EPHA5: variants seen among roughly 807,000 people sequenced by gnomAD.
EPHA5 encodes EPH receptor A5.
In EPHA5, 60 loss-of-function variants were observed where a neutral mutation model predicts 105.0. That is an observed-to-expected ratio of 0.57 (90% confidence interval 0.46 to 0.71). The LOEUF (loss-of-function observed/expected upper bound fraction) is 0.71. Among genes scored for constraint, EPHA5 ranks in the 30% least tolerant of loss-of-function variants. EPHA5 has a pLI of 0.00. For synonymous variants in EPHA5, 513 were observed against 449.1 expected (o/e 1.14, Z -1.80); for missense variants, 1,218 against 1,274.7 (o/e 0.96, Z 0.68).
chr4:65,376,588 A>AAGTT (rs1266021465), intron 8 of EPHA5, among the ~76,000 whole-genome samples: 2 of 152,002 alleles, frequency 1.3e-5, no homozygotes, highest in African/African-American at 4.8e-5. Flanking sequence ...TAGAAGATCC[A>AAGTT]AGTTATATTG....
chr4:65,377,066 GA>G, intron 8 of EPHA5: 1 of 1,607,846 alleles, frequency 6.2e-7, no homozygotes, highest in Non-Finnish European at 8.5e-7. Flanking sequence ...CGCAGCAACT[GA>G]AAAGCAAACA....
intron 3 of EPHA5, among the ~76,000 whole-genome samples, chr4:65,543,058 G>A (rs893944057): frequency 6.6e-6 from 1 of 151,946 alleles, no homozygotes; most frequent in African/African-American, 2.4e-5. Context: ...ACTACGTATT[G>A]ATGGAACATA....
intron 11 of EPHA5, among the ~76,000 whole-genome samples, chr4:65,358,244 A>G (rs563483898): frequency 5.9e-5 from 9 of 151,548 alleles, no homozygotes; most frequent in African/African-American, 2.2e-4. Context: ...CCTTTCCCAA[A>G]CCATTAGCTC....
intron 2 of EPHA5, among the ~76,000 whole-genome samples, chr4:65,640,932 G>A (rs896959931): frequency 5.9e-5 from 9 of 152,182 alleles, no homozygotes; most frequent in African/African-American, 2.2e-4. Context: ...AAGTTTTCTG[G>A]TTGGCAAGCC....
chr4:65,626,016 A>G (rs762751412), intron 2 of EPHA5, among the ~76,000 whole-genome samples: 2 of 151,316 alleles, frequency 1.3e-5, no homozygotes, highest in Non-Finnish European at 2.9e-5. Flanking sequence ...CAGGAGAATG[A>G]CATGAACCCG....
intron 8 of EPHA5, among the ~76,000 whole-genome samples, chr4:65,373,772 T>C (rs1160124282): frequency 6.6e-6 from 1 of 151,928 alleles, no homozygotes; most frequent in African/African-American, 2.4e-5. Context: ...GAATTTAACA[T>C]CTCTATTTTC....
At chr4:65,477,095 A>T (rs1297449128) in intron 5 of EPHA5, among the ~76,000 whole-genome samples, 1 of 152,206 alleles carries the variant, frequency 6.6e-6, no homozygotes, top group East Asian at 1.9e-4. Flanking sequence ...CTAAGAAAAG[A>T]TTCCAGAAAA....
chr4:65,638,666 G>C (rs1747373436), intron 2 of EPHA5, among the ~76,000 whole-genome samples: 1 of 152,172 alleles, frequency 6.6e-6, no homozygotes. Flanking sequence ...TTTAACCCAG[G>C]AGGCGGAGGT....
intron 5 of EPHA5, among the ~76,000 whole-genome samples, chr4:65,440,169 T>C (rs1228442022): frequency 6.6e-6 from 1 of 151,980 alleles, no homozygotes; most frequent in Non-Finnish European, 1.5e-5. Flanking sequence ...ATTTCTAACT[T>C]CAGAAATATT....
At chr4:65,394,784 T>A (rs1372507302) in intron 8 of EPHA5, among the ~76,000 whole-genome samples, 2 of 152,172 alleles carry the variant, frequency 1.3e-5, no homozygotes, top group African/African-American at 4.8e-5. Context: ...AGATATTACT[T>A]GTAAAACCTT....
chr4:65,376,547 A>G (rs533330018), intron 8 of EPHA5, among the ~76,000 whole-genome samples: 2 of 152,134 alleles, frequency 1.3e-5, no homozygotes, highest in East Asian at 3.9e-4. Context: ...TTTGTTTTCC[A>G]GTGCCACGTG....
intron 3 of EPHA5, among the ~76,000 whole-genome samples, chr4:65,523,528 C>T (rs1011877465): frequency 6.6e-6 from 1 of 152,126 alleles, no homozygotes; most frequent in Middle Eastern, 3.4e-3. Context: ...AAGAATGTTG[C>T]TTTGCCACTT....
intron 3 of EPHA5, among the ~76,000 whole-genome samples, chr4:65,590,380 G>A (rs753343888): frequency 6.6e-6 from 1 of 152,074 alleles, no homozygotes; most frequent in South Asian, 2.1e-4. Flanking sequence ...TGATCCACAC[G>A]CATGACAAGA....
At chr4:65,638,502 C>A (rs1747352760) in intron 2 of EPHA5, among the ~76,000 whole-genome samples, 1 of 152,084 alleles carries the variant, frequency 6.6e-6, no homozygotes, top group Admixed American at 6.5e-5. Context: ...CTTTGGGAGA[C>A]CGAGGCAGGC....
chr4:65,620,108 G>GTATATATATATATATATA lies in EPHA5; in HGVS notation c.247-17822_247-17805dup, dbSNP rs34861369. On this transcript the variant is annotated intron_variant, in intron 2 of 16. Transcript: ENST00000613740. ...AGATCTACAGAATATTTGGACTCAG[G>GTATATATATATATATATA]TATATATATATATATATATATTAAA... Among the ~76,000 whole-genome samples, 616 of 137,212 alleles carry GTATATATATATATATATA rather than the reference G, an allele frequency of 4.5e-3. 4 individuals are homozygous for GTATATATATATATATATA. The highest frequency in any genetic ancestry group is 0.012 in the African/African-American group (436 of 37,022). The allele number at this position is 137,212 out of a possible 152,430, so 90.0% of individuals were successfully genotyped here. A position where few individuals can be genotyped will look rare whatever the true frequency, so the allele number is the denominator to read the frequency against.
At chr4:65,583,016 A>G (rs989684272) in intron 3 of EPHA5, among the ~76,000 whole-genome samples, 2 of 151,630 alleles carry the variant, frequency 1.3e-5, no homozygotes, top group African/African-American at 4.8e-5. Context: ...TTAATCTACA[A>G]TTGAATTCTT....
chr4:65,643,530 G>A, intron 1 of EPHA5, 103 bp from the exon 2 acceptor site: 2 of 879,468 alleles, frequency 2.3e-6, no homozygotes, highest in Non-Finnish European at 3.6e-6. Flanking sequence ...TTACATAACT[G>A]AAATTAAGTG....
chr4:65,433,887 T>C (rs572926582), intron 5 of EPHA5, among the ~76,000 whole-genome samples: 1 of 151,990 alleles, frequency 6.6e-6, no homozygotes, highest in Admixed American at 6.6e-5. Flanking sequence ...CTAATAAAAA[T>C]GCAAAAATTA....
chr4:65,539,213 A>G (rs551087208), intron 3 of EPHA5, among the ~76,000 whole-genome samples: 1 of 151,824 alleles, frequency 6.6e-6, no homozygotes, highest in Non-Finnish European at 1.5e-5. Flanking sequence ...TGTCCCATAA[A>G]TGAGCTGTGG....
Sources: gnomAD v4.1 joint callset for allele counts (sites outside exome capture counted in the v4.1 genomes callset) on GRCh38, gnomAD v4.1.1 for gene constraint, MANE v1.5 for transcripts, NCBI Gene and HGNC (gene_info 2026-07-23, HGNC 2026-07-21) for gene names.